The following CCDC57 variants were observed in gnomAD, a reference collection of about 807,000 sequenced individuals.
CCDC57 encodes coiled-coil domain containing 57, also known as coiled-coil domain-containing protein 57.
Under a neutral mutation model 118.9 loss-of-function variants are expected in CCDC57, and 118 were observed. That is an observed-to-expected ratio of 0.99 (90% CI 0.86 to 1.16). The LOEUF is 1.16. CCDC57 is among the 50% of genes most tolerant of loss of function. CCDC57 has a pLI of 0.00. For missense variants in CCDC57, 1,300 were observed against 1,320.7 expected (o/e 0.98, Z 0.24); for synonymous variants, 527 against 532.9 (o/e 0.99, Z 0.15).
intron 16 of CCDC57, among the ~76,000 whole-genome samples, chr17:82,140,210 C>T (rs1490624248): frequency 2.0e-5 from 3 of 152,116 alleles, no homozygotes; most frequent in Non-Finnish European, 4.4e-5. Context: ...ATCAGCCTCC[C>T]GAGTAGCTGG....
chr17:82,172,219 C>A lies in CCDC57; in HGVS notation c.1730-366G>T, dbSNP rs2044837168. On this transcript the variant is annotated intron_variant, in intron 12 of 19. Coordinates refer to ENST00000665763, the Ensembl canonical transcript of CCDC57. The surrounding 1 kb of genome is among the most constrained non-coding windows in gnomAD (Gnocchi z 5.2). ...CTGCCTCCATCCCGGCATCTGCCCA[C>A]CCACAGCCACTCATGGGGTCCCTGG... Among the ~76,000 whole-genome samples the A allele has an allele frequency of 6.6e-6, 1 of 152,210 alleles. No individual in the cohort carries two copies. Among genetic ancestry groups the A allele is most frequent in the Non-Finnish European group, 1.5e-5 (1 of 68,032 alleles).
At chr17:82,160,735 G>A (rs565947478) in intron 14 of CCDC57, among the ~76,000 whole-genome samples, 19 of 152,096 alleles carry the variant, frequency 1.2e-4, no homozygotes, top group Non-Finnish European at 1.3e-4. Flanking sequence ...ATTAGCAGGC[G>A]TGGTGGCTCA....
intron 16 of CCDC57, among the ~76,000 whole-genome samples, chr17:82,138,553 G>T (rs1368272185): frequency 1.3e-5 from 2 of 151,940 alleles, no homozygotes; most frequent in Non-Finnish European, 2.9e-5. Context: ...AAAAAAAAAA[G>T]TAAAAAGAAA....
At position 82,161,275 on chromosome 17, in the gene CCDC57, G is replaced by A. The variant is rs771382991; in HGVS notation, c.2040+1925C>T. ...GTGGAGGTAAAATCGTGTGGCTGCT[G>A]GGGAAAACAGTGCGGTGGCTCCTCA... On this transcript the variant is annotated intron_variant, in intron 14 of 19. Transcript: ENST00000665763. 5.6e-4 allele frequency among the ~76,000 whole-genome samples: 85 copies of A among 152,162 alleles called. 1 individual carries two copies. Among genetic ancestry groups the A allele is most frequent in the Admixed American group, 1.6e-3 (24 of 15,268 alleles).
At chr17:82,145,861 T>C (rs6502066) in intron 16 of CCDC57, 220,193 of 456,370 alleles carry the variant, frequency 0.48, 56,187 homozygotes, top group East Asian at 0.88. Flanking sequence ...CTGCTGGAGT[T>C]GGCTCCACAG....
At position 82,108,507 on chromosome 17, in the gene CCDC57, A is replaced by G. The variant is rs116053662; in HGVS notation, c.2900-6641T>C. ...GCTTGTGTTGCATTGGTGTCATGTT[A>G]TCGCTGGCTCTGAGTTTTAAAGGGA... On this transcript the variant is annotated intron_variant, in intron 19 of 19. Coordinates refer to ENST00000665763, the Ensembl canonical transcript of CCDC57. Among the ~76,000 whole-genome samples, 1,522 of 152,316 alleles carry G rather than the reference A, an allele frequency of 1.0e-2. 23 individuals are homozygous for G. The highest frequency in any genetic ancestry group is 0.035 in the African/African-American group (1,455 of 41,568).
In CCDC57 at chr17:82,127,683, G is replaced by T; in HGVS notation, c.2899+9C>A. 1 of 1,590,982 alleles carries T rather than the reference G, an allele frequency of 6.3e-7. No individual in the cohort carries two copies. The highest frequency in any genetic ancestry group is 2.3e-5 in the East Asian group (1 of 44,256). ...CTGTGGGCAGCTCCTGGGGAGGGCA[G>T]TCTCCTACCTGGAGTTGAGTCACCC... On this transcript the variant is annotated intron_variant, in intron 19 of 19. Coordinates refer to ENST00000665763, the Ensembl canonical transcript of CCDC57.
At chr17:82,110,074 G>A (rs57923482) in intron 19 of CCDC57, among the ~76,000 whole-genome samples, 7,440 of 149,220 alleles carry the variant, frequency 0.05, 264 homozygotes, top group African/African-American at 0.1. Context: ...TCCACCTCCC[G>A]GGTTCAAGCA....
chr17:82,176,804 T>C (rs2045567433), intron 11 of CCDC57, among the ~76,000 whole-genome samples: 1 of 151,794 alleles, frequency 6.6e-6, no homozygotes, highest in African/African-American at 2.4e-5. Context: ...GGCAGGTAAC[T>C]CCTTTATGGA....
intron 9 of CCDC57, among the ~76,000 whole-genome samples, chr17:82,180,542 G>A (rs988318167): frequency 6.6e-6 from 1 of 152,174 alleles, no homozygotes; most frequent in Non-Finnish European, 1.5e-5. Context: ...GTGGCGTGAT[G>A]TTGGCTTAGT....
intron 7 of CCDC57, among the ~76,000 whole-genome samples, chr17:82,189,136 C>T (rs995791493): frequency 3.9e-5 from 6 of 151,938 alleles, no homozygotes; most frequent in Non-Finnish European, 7.4e-5. Flanking sequence ...TTTACGGTGG[C>T]GGGTGCCCAT....
intron 15 of CCDC57, 178 bp downstream of exon 14, chr17:82,157,570 C>T (rs748905161): frequency 2.8e-6 from 4 of 1,432,470 alleles, no homozygotes; most frequent in South Asian, 1.5e-5. Flanking sequence ...AGGAAGAAGG[C>T]GGAGGAATGG....
intron 9 of CCDC57, among the ~76,000 whole-genome samples, chr17:82,182,813 G>C (rs952223560): frequency 6.6e-6 from 1 of 151,814 alleles, no homozygotes; most frequent in African/African-American, 2.4e-5. Flanking sequence ...AGCCTCTGGA[G>C]TATCTGGGAC....
chr17:82,180,754 C>T (rs1008870976), intron 9 of CCDC57, among the ~76,000 whole-genome samples: 1 of 152,238 alleles, frequency 6.6e-6, no homozygotes, highest in Admixed American at 6.5e-5. Flanking sequence ...GGATTACAGG[C>T]GTGAGCCACT....
chr17:82,149,709 C>T lies in CCDC57; in HGVS notation c.2455+1851G>A, dbSNP rs375052895. 3.2e-4 allele frequency among the ~76,000 whole-genome samples: 48 copies of T among 151,782 alleles called. 2 individuals are homozygous for T. In the South Asian group the frequency reaches 9.6e-3, roughly 30 times the overall value. ...GAGAAGGCTGCGTCCAGAGCCCTCC[C>T]ACTGACCCCAGGCGCACACCCAGAA... On this transcript the variant is annotated intron_variant, in intron 16 of 19. Transcript: ENST00000665763.
chr17:82,151,685 A>G, exon 16 of CCDC57: 2 of 1,550,342 alleles, frequency 1.3e-6, no homozygotes, highest in East Asian at 2.4e-5. Flanking sequence ...GTGCATAGAT[A>G]AGGTCTGGGG....
chr17:82,193,807 A>G, exon 7 of CCDC57: 2 of 1,599,916 alleles, frequency 1.3e-6, no homozygotes, highest in Non-Finnish European at 1.7e-6. Context: ...CACAGAGTGA[A>G]GTTTATCCTC....
exon 19 of CCDC57, chr17:82,127,706 C>T (rs370764424): frequency 2.5e-6 from 4 of 1,605,986 alleles, no homozygotes; most frequent in Non-Finnish European, 3.4e-6. Flanking sequence ...AGTTGAGTCA[C>T]CCTGGGAGGT....
intron 19 of CCDC57, chr17:82,127,426 G>A: frequency 2.0e-6 from 2 of 984,688 alleles, no homozygotes; most frequent in Non-Finnish European, 2.4e-6. Context: ...GTACGGTGCT[G>A]CATTCTAAGT....
Sources: gnomAD v4.1 joint callset for allele counts (sites outside exome capture counted in the v4.1 genomes callset) on GRCh38, gnomAD v4.1.1 for gene constraint, Gnocchi (gnomAD v3.1) non-coding constraint, MANE v1.5 for transcripts, NCBI Gene and HGNC (gene_info 2026-07-23, HGNC 2026-07-21) for gene names.